The following OSBPL6 variants were observed in gnomAD, a reference collection of about 807,000 sequenced individuals.
The protein encoded by OSBPL6 is oxysterol binding protein like 6.
OSBPL6 carries 49 observed loss-of-function variants against 125.8 expected under a neutral mutation model. That is an observed-to-expected ratio of 0.39 (90% CI 0.31 to 0.49). OSBPL6 has a LOEUF of 0.49. OSBPL6 is among the 20% of genes least tolerant of loss of function. The pLI is 0.88. For missense variants in OSBPL6, 986 were observed against 1,135.4 expected (o/e 0.87, Z 1.89); for synonymous variants, 394 against 391.8 (o/e 1.01, Z -0.07).
intron 24 of OSBPL6, among the ~76,000 whole-genome samples, chr2:178,394,772 C>T (rs570006767): frequency 6.6e-6 from 1 of 152,208 alleles, no homozygotes; most frequent in Non-Finnish European, 1.5e-5. Flanking sequence ...ACAAGATCAT[C>T]CTGGCTTTTA....
intron 1 of OSBPL6, among the ~76,000 whole-genome samples, chr2:178,280,762 T>C (rs1684081547): frequency 6.6e-6 from 1 of 152,218 alleles, no homozygotes; most frequent in Admixed American, 6.5e-5. Context: ...TGTCTTCTTT[T>C]GAGAAGTGTC....
In OSBPL6 at chr2:178,389,139, C is replaced by T. The variant is rs1026563800; in HGVS notation, c.2287C>T (p.Leu763Phe). 2.5e-6 allele frequency: 4 copies of T among 1,613,562 alleles called. No individual in the cohort carries two copies. The highest frequency in any genetic ancestry group is 3.4e-6 in the Non-Finnish European group (4 of 1,179,882). The change falls in exon 21 of 25, where the codon CTC becomes TTC. Residue 763 changes from leucine (L) to phenylalanine (F), a missense_variant. Coordinates refer to ENST00000190611, the MANE Select transcript of OSBPL6 (RefSeq NM_032523.4). ...CAAAAGCAGTGTTTGCATTTGCAAA[C>T]TCACATTTGTCAAGGTAAATACTAT... ...NTKSSVCICK[L>F]TFVKVNYWNS...
At chr2:178,222,981 A>G (rs2090405957) in intron 1 of OSBPL6, among the ~76,000 whole-genome samples, 1 of 152,110 alleles carries the variant, frequency 6.6e-6, no homozygotes, top group Admixed American at 6.5e-5. Flanking sequence ...TGGTAGCTCT[A>G]TATTTATTAT....
intron 1 of OSBPL6, among the ~76,000 whole-genome samples, chr2:178,272,662 G>C (rs982272150): frequency 9.9e-5 from 15 of 152,220 alleles, no homozygotes; most frequent in African/African-American, 3.4e-4. Flanking sequence ...AAGGAAACAA[G>C]TCTCATTGCA....
chr2:178,320,629 G>A (rs1418733406), intron 3 of OSBPL6, among the ~76,000 whole-genome samples: 1 of 152,114 alleles, frequency 6.6e-6, no homozygotes, highest in African/African-American at 2.4e-5. Context: ...ATCTTGTGAA[G>A]AAAAGTACAA....
intron 3 of OSBPL6, among the ~76,000 whole-genome samples, chr2:178,310,803 T>TGGTGAGAAATCC (rs1574834132): frequency 6.6e-6 from 1 of 152,302 alleles, no homozygotes; most frequent in East Asian, 1.9e-4. Context: ...TTCTTTCATT[T>TGGTGAGAAATCC]GGTGAGAAAT....
At chr2:178,291,813 CCATCCATCCATCCATT>C (rs1229989400) in intron 2 of OSBPL6, among the ~76,000 whole-genome samples, 4 of 141,990 alleles carry the variant, frequency 2.8e-5, no homozygotes, top group South Asian at 2.2e-4. Flanking sequence ...ATCCATCCAT[CCATCCATCCATCCATT>C]CATCCTTGAT....
intron 3 of OSBPL6, among the ~76,000 whole-genome samples, chr2:178,315,228 A>G (rs766333559): frequency 5.3e-5 from 8 of 152,234 alleles, no homozygotes; most frequent in Non-Finnish European, 1.0e-4. Flanking sequence ...TTCAACGAGC[A>G]GCTCCACAGC....
intron 2 of OSBPL6, among the ~76,000 whole-genome samples, chr2:178,297,231 T>C (rs940212598): frequency 2.6e-5 from 4 of 152,174 alleles, no homozygotes; most frequent in Admixed American, 1.3e-4. Context: ...CAGCTCACTA[T>C]TGAACAGATA....
chr2:178,257,856 C>A (rs2091935184), intron 1 of OSBPL6, among the ~76,000 whole-genome samples: 1 of 150,770 alleles, frequency 6.6e-6, no homozygotes, highest in South Asian at 2.1e-4. Flanking sequence ...AGTGCAGTGG[C>A]ACAATCAGTG....
intron 13 of OSBPL6, 58 bp downstream of exon 13, chr2:178,361,873 A>G: frequency 6.3e-7 from 1 of 1,591,260 alleles, no homozygotes; most frequent in South Asian, 1.1e-5. Flanking sequence ...TGTAAGATGA[A>G]AGATCAAAAG....
intron 1 of OSBPL6, among the ~76,000 whole-genome samples, chr2:178,207,087 C>G (rs1260605388): frequency 1.3e-5 from 2 of 152,126 alleles, no homozygotes; most frequent in Non-Finnish European, 2.9e-5. Flanking sequence ...AAGCGATAGC[C>G]AGTGGGTCCC....
chr2:178,389,833 A>T lies in OSBPL6; in HGVS notation c.2301+680A>T, dbSNP rs11902183. On this transcript the variant is annotated intron_variant, in intron 21 of 24. Coordinates refer to ENST00000190611, the MANE Select transcript of OSBPL6 (RefSeq NM_032523.4). ...AGCTACCATACCTGTTCAATTCATG[A>T]TCCCATTCTAATATGGTAAACAGGT... Among the ~76,000 whole-genome samples the T allele has an allele frequency of 9.2e-3, 1,401 of 152,302 alleles. 18 individuals are homozygous for T. The highest frequency in any genetic ancestry group is 0.028 in the African/African-American group (1,181 of 41,568).
chr2:178,372,369 C>G, intron 14 of OSBPL6, 136 bp downstream of exon 14: 2 of 580,942 alleles, frequency 3.4e-6, no homozygotes. Flanking sequence ...ACTGACAGTT[C>G]AGTGTTCTTT....
At chr2:178,367,620 G>T (rs1326773536) in intron 13 of OSBPL6, among the ~76,000 whole-genome samples, 2 of 152,208 alleles carry the variant, frequency 1.3e-5, no homozygotes, top group Non-Finnish European at 2.9e-5. Context: ...AGCTAAGGAG[G>T]TGGCAATTTA....
chr2:178,316,383 T>G (rs551277721), intron 3 of OSBPL6, among the ~76,000 whole-genome samples: 1 of 152,368 alleles, frequency 6.6e-6, no homozygotes, highest in African/African-American at 2.4e-5. Flanking sequence ...AGTATTTTTA[T>G]AGTGGTAAAA....
Position 178,374,015 on chromosome 2 carries a change from G to A in OSBPL6, c.1521G>A (p.Ser507=), listed in dbSNP as rs376058450. The change falls in exon 15 of 25, where the codon TCG becomes TCA. Residue 507 remains serine, a synonymous_variant. Coordinates refer to ENST00000190611, the MANE Select transcript of OSBPL6 (RefSeq NM_032523.4). The part of the protein sequence containing the change: ...DAQEVLLSAS[S]SENEASDDES... ...AAGAGGTGCTCCTCTCTGCAAGTTCGTCAGAGAATGAGGTATGTATGCCTC... is the reference window on the plus strand; with the variant it reads ...AAGAGGTGCTCCTCTCTGCAAGTTCATCAGAGAATGAGGTATGTATGCCTC... 4.1e-5 allele frequency: 66 copies of A among 1,613,830 alleles called. No individual in the cohort carries two copies. The highest frequency in any genetic ancestry group is 5.1e-5 in the Non-Finnish European group (60 of 1,179,900).
At chr2:178,216,523 T>C (rs2090100034) in intron 1 of OSBPL6, among the ~76,000 whole-genome samples, 1 of 152,238 alleles carries the variant, frequency 6.6e-6, no homozygotes. Flanking sequence ...GCTCTTCTTT[T>C]ATTGGTTGAG....
intron 1 of OSBPL6, among the ~76,000 whole-genome samples, chr2:178,284,262 A>T (rs2154032540): frequency 6.6e-6 from 1 of 152,152 alleles, no homozygotes; most frequent in Middle Eastern, 3.4e-3. Flanking sequence ...TATTTTTAAA[A>T]ACTCTATTGG....
Sources: allele counts gnomAD v4.1 joint callset (sites outside exome capture counted in the v4.1 genomes callset), GRCh38; gene constraint gnomAD v4.1.1; transcripts MANE v1.5; gene names NCBI Gene and HGNC (gene_info 2026-07-23, HGNC 2026-07-21).